Variants in CFAP65 observed in about 807,000 individuals in gnomAD.
The protein encoded by CFAP65 is cilia and flagella associated protein 65.
Under a neutral mutation model 208.0 loss-of-function variants are expected in CFAP65, and 155 were observed. The observed-to-expected ratio is 0.75, with a 90% CI of 0.65 to 0.85. The LOEUF is 0.85. Ranked by LOEUF, CFAP65 falls within the 40% of genes least tolerant of loss-of-function variation. The pLI is 0.00. For synonymous variants in CFAP65, 970 were observed against 986.3 expected, an observed-to-expected ratio of 0.98 and a Z score of 0.31; for missense variants, 2,294 against 2,451.3, an observed-to-expected ratio of 0.94 and a Z score of 1.36.
Position 219,023,369 on chromosome 2 carries a change from G to A in CFAP65, c.2658C>T (p.Leu886=). The part of the protein sequence containing the change: ...LQLKLDTHKS[L]YFKPTWVGCS... Reference sequence around the variant, plus strand: ...AGCCCACCCAGGTGGGCTTGAAGTAGAGGCTTTTGTGGGTGTCCAGCTTCA... The same window carrying A: ...AGCCCACCCAGGTGGGCTTGAAGTAAAGGCTTTTGTGGGTGTCCAGCTTCA... Residue 886 remains leucine, a synonymous_variant, in exon 16 of 35, where the codon CTC becomes CTT. Transcript: ENST00000341552. 1.2e-6 allele frequency: 2 copies of A among 1,606,306 alleles called. No homozygotes were observed. Among genetic ancestry groups the A allele is most frequent in the Non-Finnish European group, 1.7e-6 (2 of 1,176,938 alleles).
chr2:219,022,462 T>C (rs1057432312), intron 16 of CFAP65, 133 bp from the exon 17 acceptor site: 8 of 977,284 alleles, frequency 8.2e-6, no homozygotes, highest in South Asian at 1.5e-5. Context: ...CCAGGCATTG[T>C]ACACGGCACA....
chr2:219,024,132 C>T lies in CFAP65; in HGVS notation c.2478G>A (p.Ser826=), dbSNP rs370298558. The change falls in exon 15 of 35, where the codon TCG becomes TCA. Residue 826 remains serine, a synonymous_variant. Transcript: ENST00000341552. The part of the protein sequence containing the change: ...RGSDVILRPT[S]GLVAPGAHQI... Reference sequence around the variant, plus strand: ...GGTGGGCCCCGGGTGCCACAAGGCCCGAAGTGGGCCGAAGGATGACGTCTG... The same window carrying T: ...GGTGGGCCCCGGGTGCCACAAGGCCTGAAGTGGGCCGAAGGATGACGTCTG... 1.7e-4 allele frequency: 274 copies of T among 1,613,856 alleles called. 1 individual carries two copies. The highest frequency in any genetic ancestry group is 2.2e-4 in the Non-Finnish European group (257 of 1,180,024).
At position 219,024,078 on chromosome 2, in the gene CFAP65, C is replaced by T; in HGVS notation, c.2532G>A (p.Glu844=). Residue 844 remains glutamate (E), a synonymous_variant, in exon 15 of 35, where the codon GAG becomes GAA. Coordinates refer to ENST00000341552, the MANE Select transcript of CFAP65 (RefSeq NM_194302.4). ...AAGTGTGCTGCTTCCAGGAGCTGCC[C>T]TCAGGGTAGGTGCAGATGAGGATGA... ...HQIILICTYP[E]GSSWKQHTFY... The T allele has an allele frequency of 4.3e-6, 7 of 1,614,078 alleles. No homozygotes were observed. The highest frequency in any genetic ancestry group is 5.9e-6 in the Non-Finnish European group (7 of 1,180,014).
intron 18 of CFAP65, 76 bp from the exon 19 acceptor site, chr2:219,021,356 T>G: frequency 1.4e-6 from 2 of 1,436,318 alleles, no homozygotes; most frequent in Non-Finnish European, 9.2e-7. Context: ...GTAGATACCC[T>G]TCCCTGGGCA....
At chr2:219,014,739 C>A (rs944755373) in intron 21 of CFAP65, 1 of 152,834 alleles carries the variant, frequency 6.5e-6, no homozygotes, top group African/African-American at 2.4e-5. Context: ...GCCCAACACA[C>A]ACCTGAGAGA....
chr2:219,019,113 G>A lies in CFAP65; in HGVS notation c.3540C>T (p.Phe1180=). 1 of 1,614,204 alleles carries A rather than the reference G, an allele frequency of 6.2e-7. No homozygotes were observed. The highest frequency in any genetic ancestry group is 8.5e-7 in the Non-Finnish European group (1 of 1,180,024). ...RLDFNFGAAP[F]KAPPSVVFLA... ...GGAATACCACGGAAGGTGGGGCCTT[G>A]AATGGTGCGGCCCCGAAATTGAAGT... Residue 1180 remains phenylalanine (F), a synonymous_variant, in exon 21 of 35, where the codon TTC becomes TTT. Transcript: ENST00000341552.
intron 3 of CFAP65, 31 bp from the exon 4 acceptor site, chr2:219,038,609 G>T: frequency 6.3e-7 from 1 of 1,580,284 alleles, no homozygotes; most frequent in South Asian, 1.1e-5. Flanking sequence ...AGAGGAGACA[G>T]GAGTGACATG....
At chr2:219,020,404 G>T (rs1414743000) in intron 19 of CFAP65, among the ~76,000 whole-genome samples, 1 of 151,980 alleles carries the variant, frequency 6.6e-6, no homozygotes, top group East Asian at 1.9e-4. Context: ...TTGAGATAGG[G>T]TCTCACTGTG....
At position 219,005,531 on chromosome 2, in the gene CFAP65, C is replaced by T; in HGVS notation, c.4954G>A (p.Glu1652Lys). 6.2e-7 allele frequency: 1 copy of T among 1,612,636 alleles called. No homozygotes were observed. Among genetic ancestry groups the T allele is most frequent in the Non-Finnish European group, 8.5e-7 (1 of 1,179,944 alleles). Residue 1652 changes from glutamate to lysine, a missense_variant, in exon 32 of 35, where the codon GAG (glutamate) becomes AAG (lysine). Glu to Lys is a moderately conservative substitution (Grantham distance 56). Coordinates refer to ENST00000341552, the MANE Select transcript of CFAP65 (RefSeq NM_194302.4). ...GATTTTTCCTCAGAAGTCTCTGACT[C>T]TTCCCTGGGGGCCTTCCTCTTTGGC... is the stretch of plus-strand genomic sequence containing the variant. ...ELPKRKAPREESETSEEKSPN... is the reference protein window; with the variant it reads ...ELPKRKAPREKSETSEEKSPN...
At chr2:219,018,333 G>A (rs1205446838) in intron 21 of CFAP65, 2 of 152,258 alleles carry the variant, frequency 1.3e-5, no homozygotes, top group African/African-American at 4.8e-5. Flanking sequence ...ATGGAAGCAG[G>A]ATGTTTGCTG....
Position 219,024,238 on chromosome 2 carries a change from C to T in CFAP65, c.2372G>A (p.Gly791Asp). 1 of 1,613,168 alleles carries T rather than the reference C, an allele frequency of 6.2e-7. No individual in the cohort carries two copies. The highest frequency in any genetic ancestry group is 8.5e-7 in the Non-Finnish European group (1 of 1,179,822). Residue 791 changes from glycine (G) to aspartate (D), a missense_variant, in exon 15 of 35, where the codon GGT becomes GAT. Coordinates refer to ENST00000341552, the MANE Select transcript of CFAP65 (RefSeq NM_194302.4). ...VPKLFPAVSS[G>D]EPTYRSLLLV... ...GAGCAGGCTGCGGTAGGTGGGCTCA[C>T]CGGAGGACACTGCTGGAAATAGCTG...
chr2:219,004,471 AAGG>A lies in CFAP65; in HGVS notation c.5052-19_5052-17del, dbSNP rs1269803136. On this transcript the variant is annotated splice_polypyrimidine_tract_variant and intron_variant, in intron 32 of 34. Coordinates refer to ENST00000341552, the MANE Select transcript of CFAP65 (RefSeq NM_194302.4). The surrounding 1 kb of genome is among the most constrained non-coding windows in gnomAD (Gnocchi z 4.7). ...CAGCAGGCCCCTAGGTGGCAGGGAG[AAGG>A]AGAAGGCCCTTGCTGAGGGGCCCTG... The A allele has an allele frequency of 1.3e-6, 2 of 1,590,694 alleles. No homozygotes were observed. Among genetic ancestry groups the A allele is most frequent in the Non-Finnish European group, 8.6e-7 (1 of 1,168,774 alleles).
At chr2:219,019,787 C>T in intron 19 of CFAP65, 68 bp from the exon 20 acceptor site, 1 of 1,381,682 alleles carries the variant, frequency 7.2e-7, no homozygotes, top group Non-Finnish European at 1.0e-6. Flanking sequence ...GGCATGCAGG[C>T]CAAAGGTGCA....
chr2:219,027,363 G>GCA, intron 13 of CFAP65: 2 of 1,454,838 alleles, frequency 1.4e-6, no homozygotes, highest in Non-Finnish European at 1.8e-6. Flanking sequence ...GGAGCCCCAG[G>GCA]GAGTATCTCC....
rs148715298 is a variant in CFAP65 at position 219,013,894 on chromosome 2, C to A, written c.3753G>T (p.Gln1251His). Residue 1251 changes from glutamine (Q) to histidine (H), a missense_variant, in exon 22 of 35, where the codon CAG becomes CAT. Around this residue, in one of 2 missense-constraint regions of CFAP65, gnomAD observed 1,427 missense variants for 1,438.7 expected, o/e 0.99. Transcript: ENST00000341552. ...TGTATTTTAACTCCACCATCTGCTCCTGCCCAGGACTCAGGCTCCCAGCCT... is the reference window on the plus strand; with the variant it reads ...TGTATTTTAACTCCACCATCTGCTCATGCCCAGGACTCAGGCTCCCAGCCT... ...SPKAGSLSPG[Q>H]EQMVELKYSH... 3.0e-4 allele frequency: 491 copies of A among 1,610,098 alleles called. 2 individuals are homozygous for A. In the African/African-American group the frequency reaches 4.9e-3, roughly 16 times the overall value.
intron 4 of CFAP65, among the ~76,000 whole-genome samples, chr2:219,036,709 G>T (rs1037250571): frequency 6.6e-6 from 1 of 152,196 alleles, no homozygotes; most frequent in Non-Finnish European, 1.5e-5. Flanking sequence ...CTCCCAAAGA[G>T]CTGGGATTAC....
chr2:219,035,389 T>G (rs752803407), intron 5 of CFAP65, 91 bp downstream of exon 5: 3 of 1,608,688 alleles, frequency 1.9e-6, no homozygotes, highest in East Asian at 4.5e-5. Flanking sequence ...ATGTTAAAGG[T>G]TTTTTTTGTT....
chr2:219,037,412 A>G (rs1342645910), intron 4 of CFAP65, among the ~76,000 whole-genome samples: 2 of 152,172 alleles, frequency 1.3e-5, no homozygotes, highest in Non-Finnish European at 2.9e-5. Context: ...AAACAAACAA[A>G]CAAACAACAA....
Position 219,019,093 on chromosome 2 carries a change from A to T in CFAP65, c.3560T>A (p.Val1187Glu). Residue 1187 changes from valine to glutamate, a missense_variant, in exon 21 of 35, where the codon GTA becomes GAA. Val to Glu is a moderately radical substitution (Grantham distance 121, BLOSUM62 -2). Around this residue, in one of 2 missense-constraint regions of CFAP65, gnomAD observed 1,427 missense variants for 1,438.7 expected, o/e 0.99. Coordinates refer to ENST00000341552, the MANE Select transcript of CFAP65 (RefSeq NM_194302.4). ...AAPFKAPPSV[V>E]FLALKNSGVV... is the part of the protein sequence containing the mutation. ...TCCGCTGTTCTTCAGGGCCAGGAAT[A>T]CCACGGAAGGTGGGGCCTTGAATGG... The T allele has an allele frequency of 6.2e-7, 1 of 1,614,196 alleles. No individual in the cohort carries two copies. Among genetic ancestry groups the T allele is most frequent in the South Asian group, 1.1e-5 (1 of 91,086 alleles).
Sources: gnomAD v4.1 joint callset for allele counts (sites outside exome capture counted in the v4.1 genomes callset) on GRCh38, gnomAD v4.1.1 for gene constraint, gnomAD v4.1.1 regional missense constraint, Gnocchi (gnomAD v3.1) non-coding constraint, MANE v1.5 for transcripts, NCBI Gene and HGNC (gene_info 2026-07-23, HGNC 2026-07-21) for gene names.